The following RPS6KC1 variants were observed in gnomAD, a reference collection of about 807,000 sequenced individuals.
The protein encoded by RPS6KC1 is ribosomal protein S6 kinase C1.
RPS6KC1 carries 54 observed loss-of-function variants against 103.8 expected under a neutral mutation model. The observed-to-expected ratio is 0.52, with a 90% CI of 0.42 to 0.65. The LOEUF is 0.65. Among genes scored for constraint, RPS6KC1 ranks in the 30% least tolerant of loss-of-function variants. The pLI is 0.00. For missense variants in RPS6KC1, 1,151 were observed against 1,253.8 expected, an observed-to-expected ratio of 0.92 and a Z score of 1.24; for synonymous variants, 439 against 438.7, an observed-to-expected ratio of 1.00 and a Z score of -0.01.
chr1:213,576,848 G>T, the RPS6KC1 span, among the ~76,000 whole-genome samples: 1 of 152,218 alleles, frequency 6.6e-6, no homozygotes, highest in Non-Finnish European at 1.5e-5. Flanking sequence ...GAGCCAAACA[G>T]TTAGTCAAGT....
At chr1:213,313,468 G>A in the RPS6KC1 span, among the ~76,000 whole-genome samples, 3 of 152,064 alleles carry the variant, frequency 2.0e-5, no homozygotes, top group Non-Finnish European at 2.9e-5. Flanking sequence ...CTCAAGCCCT[G>A]CATTTTCATT....
chr1:213,463,778 G>C, the RPS6KC1 span, among the ~76,000 whole-genome samples: 2 of 152,060 alleles, frequency 1.3e-5, no homozygotes, highest in Non-Finnish European at 2.9e-5. Context: ...CAATCACTCT[G>C]GCAACTATTA....
At chr1:213,804,937 A>G in the RPS6KC1 span, among the ~76,000 whole-genome samples, 1 of 152,242 alleles carries the variant, frequency 6.6e-6, no homozygotes, top group Non-Finnish European at 1.5e-5. Flanking sequence ...CCACTGCAAT[A>G]AAGCAAATAT....
At chr1:213,100,984 A>C (rs1225031138) in intron 3 of RPS6KC1, among the ~76,000 whole-genome samples, 2 of 152,192 alleles carry the variant, frequency 1.3e-5, no homozygotes, top group East Asian at 3.8e-4. Flanking sequence ...TGGTAATTTT[A>C]GTTCTTTGAG....
At chr1:213,648,360 C>T in the RPS6KC1 span, among the ~76,000 whole-genome samples, 1 of 152,276 alleles carries the variant, frequency 6.6e-6, no homozygotes, top group South Asian at 2.1e-4. Context: ...TTCAGACTCT[C>T]TAGACCAACC....
At chr1:213,217,716 A>G (rs1302962989) in intron 8 of RPS6KC1, among the ~76,000 whole-genome samples, 1 of 152,382 alleles carries the variant, frequency 6.6e-6, no homozygotes, top group Non-Finnish European at 1.5e-5. Context: ...GGCTGGTTCA[A>G]CATATGCAAA....
intron 6 of RPS6KC1, among the ~76,000 whole-genome samples, chr1:213,142,406 AC>A (rs1322733970): frequency 7.9e-5 from 12 of 152,154 alleles, no homozygotes; most frequent in Admixed American, 6.6e-4. Flanking sequence ...GGGAGCTAGT[AC>A]GGTCTTTTGG....
the RPS6KC1 span, among the ~76,000 whole-genome samples, chr1:213,735,025 G>A: frequency 3.9e-5 from 6 of 152,194 alleles, no homozygotes; most frequent in South Asian, 2.1e-4. Flanking sequence ...CTGGGTTCAC[G>A]CCATTCTTCT....
At chr1:213,103,558 C>A (rs1027756643) in intron 3 of RPS6KC1, among the ~76,000 whole-genome samples, 17 of 152,232 alleles carry the variant, frequency 1.1e-4, no homozygotes, top group African/African-American at 4.1e-4. Context: ...ACACACTGGG[C>A]AGAGGGTATT....
chr1:213,561,551 G>T, the RPS6KC1 span, among the ~76,000 whole-genome samples: 1 of 152,228 alleles, frequency 6.6e-6, no homozygotes, highest in African/African-American at 2.4e-5. Context: ...GATGCTAGGT[G>T]TGTGCAGATG....
chr1:213,106,696 TA>T (rs1309579026), intron 4 of RPS6KC1, among the ~76,000 whole-genome samples: 1 of 152,316 alleles, frequency 6.6e-6, no homozygotes, highest in South Asian at 2.1e-4. Flanking sequence ...ACATTGACTT[TA>T]AAAAACCACA....
the RPS6KC1 span, among the ~76,000 whole-genome samples, chr1:213,834,562 T>C: frequency 1.3e-5 from 2 of 152,156 alleles, no homozygotes; most frequent in African/African-American, 2.4e-5. Flanking sequence ...AGCAAAGTCT[T>C]CAAAAGACAT....
the RPS6KC1 span, among the ~76,000 whole-genome samples, chr1:213,555,293 G>A: frequency 6.6e-6 from 1 of 152,222 alleles, no homozygotes; most frequent in South Asian, 2.1e-4. Context: ...CTCCCTGGCA[G>A]CAAGGCCCTT....
chr1:213,649,227 T>C, the RPS6KC1 span, among the ~76,000 whole-genome samples: 1 of 147,894 alleles, frequency 6.8e-6, no homozygotes, highest in Non-Finnish European at 1.5e-5. Flanking sequence ...GTTTCTCCTA[T>C]ACAGCCTATG....
chr1:213,301,839 G>A, the RPS6KC1 span, among the ~76,000 whole-genome samples: 1 of 151,702 alleles, frequency 6.6e-6, no homozygotes, highest in Admixed American at 6.6e-5. Flanking sequence ...AGGTTCAAGC[G>A]ATTCTCATGC....
chr1:213,751,437 T>C, the RPS6KC1 span, among the ~76,000 whole-genome samples: 1 of 152,132 alleles, frequency 6.6e-6, no homozygotes, highest in South Asian at 2.1e-4. Flanking sequence ...ACCACACTTC[T>C]CTCATCTTTT....
At chr1:213,092,999 G>C (rs1233585856) in intron 3 of RPS6KC1, among the ~76,000 whole-genome samples, 4 of 152,062 alleles carry the variant, frequency 2.6e-5, no homozygotes, top group Non-Finnish European at 5.9e-5. Flanking sequence ...GAAGTTCTTA[G>C]CTGTTATTAT....
the RPS6KC1 span, among the ~76,000 whole-genome samples, chr1:213,484,831 G>A: frequency 6.6e-6 from 1 of 152,170 alleles, no homozygotes; most frequent in African/African-American, 2.4e-5. Flanking sequence ...AGTGAGCTAG[G>A]AAAGATAAGG....
At chr1:213,826,772 AG>A in the RPS6KC1 span, among the ~76,000 whole-genome samples, 4 of 152,256 alleles carry the variant, frequency 2.6e-5, no homozygotes, top group East Asian at 1.9e-4. Context: ...AACCCTGGGA[AG>A]GGGGGGAAGT....
Sources: gnomAD v4.1 joint callset for allele counts (sites outside exome capture counted in the v4.1 genomes callset) on GRCh38, gnomAD v4.1.1 for gene constraint, MANE v1.5 for transcripts, NCBI Gene and HGNC (gene_info 2026-07-23, HGNC 2026-07-21) for gene names.